PAM16: variants seen among roughly 807,000 people sequenced by gnomAD.
PAM16 encodes presequence translocase associated motor 16.
Under a neutral mutation model 17.9 loss-of-function variants are expected in PAM16, and 11 were observed. The observed-to-expected ratio is 0.62, with a 90% CI of 0.39 to 1.02. The LOEUF is 1.02. Ranked by LOEUF, PAM16 falls within the 50% of genes least tolerant of loss-of-function variation. The pLI is 0.01. For synonymous variants in PAM16, 72 were observed against 67.4 expected (o/e 1.07, Z -0.34); for missense variants, 199 against 165.4 (o/e 1.20, Z -1.11).
At chr16:4,343,351 C>T (rs2053680715) in intron 1 of PAM16, 60 bp from the exon 2 acceptor site, 1 of 1,548,744 alleles carries the variant, frequency 6.5e-7, no homozygotes, top group Non-Finnish European at 8.7e-7. Context: ...CAGAGATGGG[C>T]CCTGGAAACG....
chr16:4,340,556 G>A (rs1000599520), intron 4 of PAM16, 151 bp from the exon 5 acceptor site: 18 of 823,318 alleles, frequency 2.2e-5, no homozygotes, highest in South Asian at 1.9e-4. Flanking sequence ...CCCCAGGGTC[G>A]GGGTGGCCTG....
At chr16:4,344,589 T>C in intron 1 of PAM16, among the ~76,000 whole-genome samples, 1 of 74,766 alleles carries the variant, frequency 1.3e-5, no homozygotes, top group Non-Finnish European at 2.6e-5. Context: ...GGGGGTTCCG[T>C]GAGAGGAGGG....
intron 2 of PAM16, chr16:4,341,716 A>AG: frequency 1.3e-6 from 1 of 776,212 alleles, no homozygotes. Flanking sequence ...GGGTAAGGGC[A>AG]GGATCTGACC....
intron 4 of PAM16, 92 bp from the exon 5 acceptor site, chr16:4,340,497 C>G: frequency 6.9e-7 from 1 of 1,440,702 alleles, no homozygotes; most frequent in South Asian, 1.2e-5. Flanking sequence ...CAGCCCAGGT[C>G]CATTTTTTGA....
At chr16:4,341,651 T>C in intron 2 of PAM16, 147 bp from the exon 3 acceptor site, 1 of 1,370,014 alleles carries the variant, frequency 7.3e-7, no homozygotes, top group Non-Finnish European at 9.7e-7. Flanking sequence ...CCAGGAGTGG[T>C]TTCCTTTTTA....
intron 1 of PAM16, chr16:4,344,054 C>T (rs2053694132): frequency 5.0e-6 from 2 of 398,068 alleles, no homozygotes; most frequent in Non-Finnish European, 4.4e-6. Flanking sequence ...CCCACTGTCA[C>T]ACACCAGGCT....
chr16:4,343,077 C>T, intron 2 of PAM16, 130 bp downstream of exon 2: 3 of 1,226,520 alleles, frequency 2.4e-6, no homozygotes, highest in Non-Finnish European at 2.3e-6. Context: ...CTGGCATCAC[C>T]CCCCACCATG....
rs761297017 is a variant in PAM16, at chr16:4,340,993, GGA to G, written c.226-10_226-9del. 55 of 1,612,912 alleles carry G rather than the reference GGA, an allele frequency of 3.4e-5. No individual in the cohort carries two copies. Among genetic ancestry groups the G allele is most frequent in the Non-Finnish European group, 4.6e-5 (54 of 1,179,742 alleles). On this transcript the variant is annotated splice_polypyrimidine_tract_variant and intron_variant, in intron 3 of 4. Coordinates refer to ENST00000318059, the MANE Select transcript of PAM16 (RefSeq NM_016069.11). ...AAATAAGTGTTCATAGTTCTGCAGA[GGA>G]GAGGGGACGGGTGAGAGGGCTGCAG...
chr16:4,341,751 A>G (rs527339769), intron 2 of PAM16: 2 of 588,108 alleles, frequency 3.4e-6, no homozygotes, highest in Non-Finnish European at 5.8e-6. Flanking sequence ...CTGGTCCCCA[A>G]CCTAGACCAT....
At chr16:4,341,650 G>T (rs2053649486) in intron 2 of PAM16, 146 bp from the exon 3 acceptor site, 1 of 1,371,322 alleles carries the variant, frequency 7.3e-7, no homozygotes, top group Non-Finnish European at 9.7e-7. Flanking sequence ...TCCAGGAGTG[G>T]TTTCCTTTTT....
chr16:4,340,523 T>C (rs775705348), intron 4 of PAM16, 118 bp from the exon 5 acceptor site: 19 of 1,129,032 alleles, frequency 1.7e-5, no homozygotes, highest in Non-Finnish European at 2.4e-5. Flanking sequence ...AGTGGGTGGA[T>C]ACCAATGCTT....
intron 4 of PAM16, 129 bp downstream of exon 4, chr16:4,340,791 G>A: frequency 8.2e-7 from 1 of 1,224,378 alleles, no homozygotes; most frequent in South Asian, 1.2e-5. Context: ...GGGGCACCAT[G>A]GGAAAGCCTG....
rs749939192 is a variant in PAM16, at chr16:4,341,451, C to T, written c.142G>A (p.Ala48Thr). 5 of 1,609,122 alleles carry T rather than the reference C, an allele frequency of 3.1e-6. No individual in the cohort carries two copies. Among genetic ancestry groups the T allele is most frequent in the South Asian group, 2.2e-5 (2 of 90,210 alleles). ...AGGCTGAGGCCGGAGAGGTTGGAAGCGGCTGCAGACCGGTGTCCAGCGCGT... is the reference window on the plus strand; with the variant it reads ...AGGCTGAGGCCGGAGAGGTTGGAAGTGGCTGCAGACCGGTGTCCAGCGCGT... ...RGRAGHRSAA[A>T]SNLSGLSLQE... The change falls in exon 3 of 5, where the codon GCT becomes ACT. Residue 48 changes from alanine to threonine, a missense_variant. By Grantham distance (58) the Ala-to-Thr change is moderately conservative (BLOSUM62 0). Coordinates refer to ENST00000318059, the MANE Select transcript of PAM16 (RefSeq NM_016069.11).
At position 4,341,374 on chromosome 16, in the gene PAM16, G is replaced by T. The variant is rs776927787; in HGVS notation, c.219C>A (p.Val73=). 1 of 1,578,162 alleles carries T rather than the reference G, an allele frequency of 6.3e-7. No individual in the cohort carries two copies. Among genetic ancestry groups the T allele is most frequent in the South Asian group, 1.2e-5 (1 of 86,364 alleles). Residue 73 remains valine, a synonymous_variant, in exon 3 of 5, where the codon GTC becomes GTA. Transcript: ENST00000318059. ...LNVSKLSPEE[V]QKNYEHLFKV... is the part of the protein sequence containing the mutation. The stretch of plus-strand genomic sequence containing the variant: ...GGTGGCCCAGTGGCCTCACCTTCTG[G>T]ACCTCCTCAGGGCTCAGCTTGGACA...
chr16:4,345,938 C>A, intron 1 of PAM16: 1 of 985,428 alleles, frequency 1.0e-6, no homozygotes, highest in Non-Finnish European at 1.2e-6. Flanking sequence ...ACACCAACAG[C>A]CTTCGGTCCC....
chr16:4,340,912 C>T lies in PAM16; in HGVS notation c.291+8G>A, dbSNP rs984797070. 1.2e-5 allele frequency: 20 copies of T among 1,613,376 alleles called. No homozygotes were observed. Among genetic ancestry groups the T allele is most frequent in the Non-Finnish European group, 1.7e-5 (20 of 1,179,944 alleles). ...ACTTCATTCCTCCCAGAATCAAAGA[C>T]CACTCACCTTTGACTGCAGGTAGAA... On this transcript the variant is annotated splice_region_variant and intron_variant, in intron 4 of 4. Coordinates refer to ENST00000318059, the MANE Select transcript of PAM16 (RefSeq NM_016069.11).
rs1006272154 is a variant in PAM16, at chr16:4,351,287, G to A, written c.-53C>T. 1 of 1,424,758 alleles carries A rather than the reference G, an allele frequency of 7.0e-7. No individual in the cohort carries two copies. The highest frequency in any genetic ancestry group is 9.3e-7 in the Non-Finnish European group (1 of 1,073,878). 88.3% of individuals were successfully genotyped at this position (1,424,758 alleles called of 1,614,324 possible). On this transcript the variant is annotated 5_prime_UTR_variant, in exon 1 of 5. Coordinates refer to ENST00000318059, the MANE Select transcript of PAM16 (RefSeq NM_016069.11). ...ACTCCGACTTCCTGGCCCCGCGGCC[G>A]GGGATCAAGCGTGGTCGGCGGGTCA...
At chr16:4,349,563 G>A (rs2053814479) in intron 1 of PAM16, among the ~76,000 whole-genome samples, 1 of 152,074 alleles carries the variant, frequency 6.6e-6, no homozygotes, top group Non-Finnish European at 1.5e-5. Flanking sequence ...CTCCAGCCTA[G>A]GAGACCCATC....
chr16:4,342,086 C>G (rs2053657148), intron 2 of PAM16, among the ~76,000 whole-genome samples: 1 of 152,274 alleles, frequency 6.6e-6, no homozygotes, highest in Non-Finnish European at 1.5e-5. Context: ...CACAGTGGCT[C>G]ACGCCTGTAA....
Sources: allele counts gnomAD v4.1 joint callset (sites outside exome capture counted in the v4.1 genomes callset), GRCh38; gene constraint gnomAD v4.1.1; transcripts MANE v1.5; gene names NCBI Gene and HGNC (gene_info 2026-07-23, HGNC 2026-07-21).